The following SECISBP2L variants were observed in gnomAD, a reference collection of about 807,000 sequenced individuals.
SECISBP2L encodes the protein SECIS binding protein 2 like.
SECISBP2L carries 43 observed loss-of-function variants against 114.7 expected under a neutral mutation model. That is an observed-to-expected ratio of 0.38 (90% CI 0.29 to 0.48). The LOEUF is 0.48. SECISBP2L is among the 20% of genes least tolerant of loss of function. The pLI, the probability that SECISBP2L is intolerant of heterozygous loss-of-function variation, is 0.98. For synonymous variants in SECISBP2L, 451 were observed against 439.7 expected (o/e 1.03, Z -0.32); for missense variants, 1,136 against 1,301.1 (o/e 0.87, Z 1.95).
At chr15:48,999,542 C>G (rs1902161624) in intron 16 of SECISBP2L, among the ~76,000 whole-genome samples, 1 of 152,018 alleles carries the variant, frequency 6.6e-6, no homozygotes, top group Non-Finnish European at 1.5e-5. Flanking sequence ...TATCTTTAAC[C>G]AGCAGTAAAA....
chr15:48,998,191 A>G (rs1902133235), intron 16 of SECISBP2L, among the ~76,000 whole-genome samples: 1 of 152,236 alleles, frequency 6.6e-6, no homozygotes, highest in African/African-American at 2.4e-5. Context: ...CTGTAGAATA[A>G]TAAGTCTCTG....
chr15:49,028,114 T>C (rs777163493), intron 6 of SECISBP2L, 30 bp downstream of exon 6: 9 of 1,561,602 alleles, frequency 5.8e-6, no homozygotes, highest in African/African-American at 4.1e-5. Context: ...GTAGAAAGTA[T>C]AGCAAAAACA....
chr15:49,009,449 G>C, intron 13 of SECISBP2L, 71 bp from the exon 14 acceptor site: 1 of 1,467,438 alleles, frequency 6.8e-7, no homozygotes, highest in Non-Finnish European at 9.2e-7. Context: ...GTTGATCAAT[G>C]CAATTTAGAA....
At chr15:49,028,267 T>C in intron 5 of SECISBP2L, 99 bp from the exon 6 acceptor site, 1 of 1,054,032 alleles carries the variant, frequency 9.5e-7, no homozygotes, top group Non-Finnish European at 1.4e-6. Flanking sequence ...GAAGCATGCA[T>C]ATCACAATAT....
intron 1 of SECISBP2L, among the ~76,000 whole-genome samples, chr15:49,041,286 T>A (rs1903124655): frequency 6.6e-6 from 1 of 152,250 alleles, no homozygotes; most frequent in South Asian, 2.1e-4. Context: ...ATCATCTTTG[T>A]AAAAATATTT....
chr15:49,034,901 G>A (rs1159119610), intron 3 of SECISBP2L, among the ~76,000 whole-genome samples: 1 of 152,006 alleles, frequency 6.6e-6, no homozygotes, highest in East Asian at 1.9e-4. Flanking sequence ...GGGCTCAAGC[G>A]ACTAGCCTGC....
chr15:49,000,991 C>G lies in SECISBP2L; in HGVS notation c.2134G>C (p.Ala712Pro). 2 of 1,613,832 alleles carry G rather than the reference C, an allele frequency of 1.2e-6. No individual in the cohort carries two copies. The highest frequency in any genetic ancestry group is 1.7e-6 in the Non-Finnish European group (2 of 1,179,860). Residue 712 changes from alanine (A) to proline (P), a missense_variant, in exon 15 of 18, where the codon GCA (alanine) becomes CCA (proline). By Grantham distance (27) the Ala-to-Pro change is conservative. This residue lies in a region of SECISBP2L where 684 missense variants were observed against 848.7 expected (regional missense o/e 0.81). Coordinates refer to ENST00000559471, the MANE Select transcript of SECISBP2L (RefSeq NM_001193489.2). Reference sequence around the variant, plus strand: ...ATAACGAGTCGTCTCCTTGCTTTTGCTCTTACAGGATCTTTTTGGTAGATG... The same window carrying G: ...ATAACGAGTCGTCTCCTTGCTTTTGGTCTTACAGGATCTTTTTGGTAGATG... ...ERIYQKDPVR[A>P]KARRRLVMGL...
chr15:49,007,520 T>G (rs1453212048), intron 14 of SECISBP2L, among the ~76,000 whole-genome samples: 1 of 152,224 alleles, frequency 6.6e-6, no homozygotes, highest in Non-Finnish European at 1.5e-5. Context: ...AAAGAGGCAG[T>G]CTGGCTACAG....
At position 48,992,328 on chromosome 15, in the gene SECISBP2L, G is replaced by A. The variant is rs1223017201; in HGVS notation, c.3222C>T (p.Ala1074=). 1 of 1,614,150 alleles carries A rather than the reference G, an allele frequency of 6.2e-7. No individual in the cohort carries two copies. The change falls in exon 18 of 18, where the codon GCC becomes GCT. Residue 1074 remains alanine, a synonymous_variant. Coordinates refer to ENST00000559471, the MANE Select transcript of SECISBP2L (RefSeq NM_001193489.2). ...TGCTGGACTTCTGCTGCCCAGGACT[G>A]GCCTGCTGGTCAGCAGTCCATGCCT... ...DSEAWTADQQ[A]SPGQQKSSNC... is the part of the protein sequence containing the mutation.
chr15:48,993,100 A>AGAGAGAGTGTGTGTGTGT (rs772299775), intron 17 of SECISBP2L, among the ~76,000 whole-genome samples, 174 bp from the exon 18 acceptor site: 30 of 139,220 alleles, frequency 2.2e-4, no homozygotes, highest in African/African-American at 7.3e-4. Flanking sequence ...ACAGAGAGAG[A>AGAGAGAGTGTGTGTGTGT]GTGTGTGTGT....
chr15:49,039,569 G>T (rs1903081692), intron 1 of SECISBP2L, among the ~76,000 whole-genome samples: 1 of 149,652 alleles, frequency 6.7e-6, no homozygotes, highest in Admixed American at 6.7e-5. Context: ...CTGTCACGGG[G>T]TGGAGGTGGA....
chr15:49,006,966 C>T (rs1046168725), intron 14 of SECISBP2L, among the ~76,000 whole-genome samples: 8 of 152,140 alleles, frequency 5.3e-5, no homozygotes, highest in African/African-American at 1.4e-4. Flanking sequence ...TGGTGACCTT[C>T]GGTGGGGTTT....
At chr15:48,994,387 A>G (rs894083147) in intron 17 of SECISBP2L, among the ~76,000 whole-genome samples, 4 of 152,114 alleles carry the variant, frequency 2.6e-5, no homozygotes, top group African/African-American at 7.2e-5. Context: ...AACTGATTAT[A>G]TCATTGTCTA....
intron 1 of SECISBP2L, among the ~76,000 whole-genome samples, chr15:49,040,714 A>G (rs1325299107): frequency 6.7e-6 from 1 of 149,422 alleles, no homozygotes; most frequent in African/African-American, 2.5e-5. Flanking sequence ...TTTTTTTTGA[A>G]TTTTTAGTAG....
chr15:49,007,540 C>G (rs188799865), intron 14 of SECISBP2L, among the ~76,000 whole-genome samples: 6 of 152,098 alleles, frequency 3.9e-5, no homozygotes, highest in African/African-American at 1.4e-4. Context: ...GCAGCTTTGC[C>G]GAGCTCAATT....
rs530049792 is a variant in SECISBP2L, at chr15:49,031,051, TTTTTTTTTTC to T, written c.664+1904_664+1913del. 8.0e-4 allele frequency among the ~76,000 whole-genome samples: 104 copies of T among 129,196 alleles called. 3 individuals carry two copies. The South Asian group carries it at 0.027, about 33-fold the overall frequency. The allele number at this position is 129,196 out of a possible 152,430, so 84.8% of individuals were successfully genotyped here. A position where few individuals can be genotyped will look rare whatever the true frequency, so the allele number is the denominator to read the frequency against. ...CTTATCATTTTCTTTTTTTTTTTTT[TTTTTTTTTTC>T]CCTTTTGAGACAGAGTCTTTCTCAG... On this transcript the variant is annotated intron_variant, in intron 4 of 17. Transcript: ENST00000559471.
At chr15:49,044,816 T>C (rs1903209695) in intron 1 of SECISBP2L, among the ~76,000 whole-genome samples, 1 of 152,202 alleles carries the variant, frequency 6.6e-6, no homozygotes, top group African/African-American at 2.4e-5. Context: ...TAGTTAATTA[T>C]ATTTCCTCTA....
At chr15:49,037,261 A>T (rs1903028219) in intron 2 of SECISBP2L, 2 of 150,338 alleles carry the variant, frequency 1.3e-5, no homozygotes, top group Non-Finnish European at 2.4e-5. Context: ...ATGAGATTAG[A>T]TGTTCAATCT....
intron 6 of SECISBP2L, 40 bp downstream of exon 6, chr15:49,028,104 G>A (rs964717806): frequency 3.2e-6 from 5 of 1,547,756 alleles, no homozygotes; most frequent in Non-Finnish European, 3.5e-6. Context: ...TATGGACAAA[G>A]TAGAAAGTAT....
Sources: allele counts gnomAD v4.1 joint callset (sites outside exome capture counted in the v4.1 genomes callset), GRCh38; gene constraint gnomAD v4.1.1; regional missense constraint gnomAD v4.1.1; transcripts MANE v1.5; gene names NCBI Gene and HGNC (gene_info 2026-07-23, HGNC 2026-07-21).